Variants in SMIM27 observed in about 807,000 individuals in gnomAD.
The protein encoded by SMIM27 is transition zone microprotein 1, also known as TOPORS antisense RNA 1 (non-protein coding).
In SMIM27, 3 loss-of-function variants were observed where a neutral mutation model predicts 1.8. The ratio of observed to expected loss-of-function variants is 1.65; its 90% CI spans 0.75 to 4.28. The LOEUF (loss-of-function observed/expected upper bound fraction) is 4.28, where lower values mean the gene tolerates loss of function less well. Among genes scored for constraint, SMIM27 ranks in the 30% most tolerant of loss-of-function variants. SMIM27 has a pLI of 0.02. For synonymous variants in SMIM27, 19 were observed against 13.9 expected, an observed-to-expected ratio of 1.37 and a Z score of -0.82; for missense variants, 63 against 37.0, an observed-to-expected ratio of 1.70 and a Z score of -1.83.
chr9:32,559,129 C>A (rs769937880), intron 1 of SMIM27, among the ~76,000 whole-genome samples: 15 of 152,192 alleles, frequency 9.9e-5, no homozygotes, highest in Admixed American at 3.3e-4. Context: ...GCATCTCAAA[C>A]TTAACCAGGT....
chr9:32,552,751 AG>A, intron 1 of SMIM27, 49 bp from the exon 2 acceptor site: 1 of 685,510 alleles, frequency 1.5e-6, no homozygotes, highest in Non-Finnish European at 2.7e-6. Flanking sequence ...GACGGGGGCG[AG>A]GGGAAATATC....
chr9:32,553,891 A>G (rs1194334797), downstream of SMIM27: 1 of 1,592,720 alleles, frequency 6.3e-7, no homozygotes, highest in Non-Finnish European at 8.6e-7. Flanking sequence ...GATGTTGATC[A>G]GGAAATTCTT....
chr9:32,552,137 A>G (rs1260069355), upstream of SMIM27: 3 of 581,872 alleles, frequency 5.2e-6, no homozygotes, highest in Non-Finnish European at 9.2e-6. Flanking sequence ...GCAACTAGAA[A>G]GAAAACCAGT....
At chr9:32,557,542 C>T (rs566550019), downstream of SMIM27, among the ~76,000 whole-genome samples, 1 of 151,752 alleles carries the variant, frequency 6.6e-6, no homozygotes, top group Non-Finnish European at 1.5e-5. Flanking sequence ...TGCAGTGCCA[C>T]GATCTCAGCT....
At chr9:32,555,129 T>C (rs995216149), downstream of SMIM27, among the ~76,000 whole-genome samples, 1 of 152,084 alleles carries the variant, frequency 6.6e-6, no homozygotes, top group African/African-American at 2.4e-5. Context: ...TCTAAAAATT[T>C]GGGCCAGTCA....
chr9:32,553,853 C>T (rs769664114), downstream of SMIM27: 3 of 1,480,696 alleles, frequency 2.0e-6, no homozygotes, highest in South Asian at 1.2e-5. Context: ...GGCTCATAAG[C>T]CTTTTAACTT....
rs199937352 is a variant in SMIM27 at position 32,552,404 on chromosome 9, A to C, written c.-31A>C. The C allele has an allele frequency of 7.8e-4, 1,262 of 1,608,320 alleles. 7 individuals carry two copies. In the African/African-American group the frequency reaches 0.015, roughly 19 times the overall value. On this transcript the variant is annotated 5_prime_UTR_variant, in exon 1 of 2. Coordinates refer to ENST00000692500, the MANE Select transcript of SMIM27 (RefSeq NM_001387564.1). The stretch of plus-strand genomic sequence containing the variant: ...TACTGTAAGGCCCGCAGCTCCCGCC[A>C]GCTCCCGCGGACTGCTGCCGCCTCC...
downstream of SMIM27, chr9:32,553,820 A>G: frequency 9.0e-7 from 1 of 1,113,580 alleles, no homozygotes; most frequent in East Asian, 2.4e-5. Flanking sequence ...TTCAGTAAAT[A>G]TGGTAATATA....
downstream of SMIM27, chr9:32,553,503 A>G (rs181606382): frequency 5.5e-4 from 112 of 203,780 alleles, no homozygotes; most frequent in African/African-American, 2.6e-3. Context: ...AGATTTCCTT[A>G]AAACAAAAGT....
At chr9:32,560,510 T>C (rs1318291045) in intron 1 of SMIM27, among the ~76,000 whole-genome samples, 1 of 152,260 alleles carries the variant, frequency 6.6e-6, no homozygotes, top group African/African-American at 2.4e-5. Context: ...ATTCCATACA[T>C]TCTGTTGATC....
chr9:32,553,862 T>G (rs1337026339), downstream of SMIM27: 2 of 1,541,056 alleles, frequency 1.3e-6, no homozygotes, highest in Non-Finnish European at 1.8e-6. Context: ...GCCTTTTAAC[T>G]TTTTACATAA....
In SMIM27 at chr9:32,552,373, G is replaced by T; in HGVS notation, c.-62G>T. Reference sequence around the variant, plus strand: ...GCTGGCGCCTGGCAGCCACCGCCTGGGAGGTTACTGTAAGGCCCGCAGCTC... The same window carrying T: ...GCTGGCGCCTGGCAGCCACCGCCTGTGAGGTTACTGTAAGGCCCGCAGCTC... On this transcript the variant is annotated 5_prime_UTR_variant, in exon 1 of 2. Coordinates refer to ENST00000692500, the MANE Select transcript of SMIM27 (RefSeq NM_001387564.1). 6.3e-7 allele frequency: 1 copy of T among 1,599,040 alleles called. No homozygotes were observed. The highest frequency in any genetic ancestry group is 1.7e-4 in the Middle Eastern group (1 of 5,992).
downstream of SMIM27, among the ~76,000 whole-genome samples, chr9:32,557,459 G>A (rs926000607): frequency 1.3e-5 from 2 of 150,370 alleles, no homozygotes; most frequent in East Asian, 2.0e-4. Context: ...ATGAGCCCCC[G>A]ATACCCCCTA....
chr9:32,566,801 G>A (rs1439868765), exon 2 of SMIM27: 32 of 894,202 alleles, frequency 3.6e-5, no homozygotes, highest in South Asian at 5.3e-5. Flanking sequence ...ACAGGAGGTC[G>A]GCCAGCAGTC....
downstream of SMIM27, among the ~76,000 whole-genome samples, chr9:32,554,514 A>C (rs1207951761): frequency 6.6e-6 from 1 of 152,210 alleles, no homozygotes; most frequent in Non-Finnish European, 1.5e-5. Flanking sequence ...GTTTTAAGAC[A>C]GATTATTCAA....
At chr9:32,551,185 C>T (rs1821248711), upstream of SMIM27, 30 of 626,996 alleles carry the variant, frequency 4.8e-5, no homozygotes, top group South Asian at 5.3e-4. Flanking sequence ...GCGACCCTCC[C>T]CATCTTGTTA....
upstream of SMIM27, chr9:32,552,122 G>C (rs1225593035): frequency 1.8e-6 from 1 of 560,834 alleles, no homozygotes; most frequent in African/African-American, 2.0e-5. Flanking sequence ...CATTAATATT[G>C]CATTGCAACT....
At chr9:32,553,265 T>C, downstream of SMIM27, 1 of 194,240 alleles carries the variant, frequency 5.1e-6, no homozygotes, top group African/African-American at 2.4e-5. Flanking sequence ...CTCGGCTTAC[T>C]GCAAGCTCCG....
intron 1 of SMIM27, among the ~76,000 whole-genome samples, chr9:32,563,336 T>A (rs1451150442): frequency 3.3e-5 from 5 of 152,166 alleles, no homozygotes; most frequent in South Asian, 2.1e-4. Flanking sequence ...CTTTTTTTTT[T>A]AATTTTCTTT....
Sources: allele counts gnomAD v4.1 joint callset (sites outside exome capture counted in the v4.1 genomes callset), GRCh38; gene constraint gnomAD v4.1.1; transcripts MANE v1.5; gene names NCBI Gene and HGNC (gene_info 2026-07-23, HGNC 2026-07-21).